Variants in KIAA0319L observed in about 807,000 individuals in gnomAD.
The protein encoded by KIAA0319L is dyslexia-associated protein KIAA0319-like protein.
A neutral mutation model predicts 120.1 loss-of-function variants in KIAA0319L; 55 were observed. The ratio of observed to expected loss-of-function variants is 0.46; its 90% CI spans 0.37 to 0.57. The LOEUF (loss-of-function observed/expected upper bound fraction) is 0.57. KIAA0319L is among the 20% of genes least tolerant of loss of function. The pLI is 0.00. For missense variants in KIAA0319L, 1,049 were observed against 1,255.3 expected (o/e 0.84, Z 2.48); for synonymous variants, 398 against 471.9 (o/e 0.84, Z 2.03).
chr1:35,527,506 ATT>A (rs1646195486), intron 2 of KIAA0319L, among the ~76,000 whole-genome samples: 1 of 152,190 alleles, frequency 6.6e-6, no homozygotes, highest in Non-Finnish European at 1.5e-5. Flanking sequence ...GTCCGGTAGA[ATT>A]TGACAGTAAA....
chr1:35,459,572 G>A (rs1486403113), intron 9 of KIAA0319L, among the ~76,000 whole-genome samples: 1 of 151,764 alleles, frequency 6.6e-6, no homozygotes, highest in African/African-American at 2.4e-5. Flanking sequence ...ACCCCAGCCT[G>A]GGCGACAGAG....
chr1:35,478,650 A>C (rs1485780651), intron 4 of KIAA0319L, among the ~76,000 whole-genome samples: 2 of 152,240 alleles, frequency 1.3e-5, no homozygotes, highest in African/African-American at 4.8e-5. Context: ...GTAAGCAAAT[A>C]CACTGATCCA....
chr1:35,526,406 T>TACATAC lies in KIAA0319L; in HGVS notation c.143-19272_143-19271insGTATGT, dbSNP rs1646143944. The stretch of plus-strand genomic sequence containing the variant: ...ATACATACATATATATATATATATA[T>TACATAC]ATATACACACATACATATATATATG... On this transcript the variant is annotated intron_variant, in intron 2 of 20. Coordinates refer to ENST00000325722, the MANE Select transcript of KIAA0319L (RefSeq NM_024874.5). 2.1e-5 allele frequency among the ~76,000 whole-genome samples: 3 copies of TACATAC among 141,500 alleles called. No individual in the cohort carries two copies. In the Middle Eastern group the frequency reaches 0.011, roughly 520 times the overall value. The allele number at this position is 141,500 out of a possible 152,430, so 92.8% of individuals were successfully genotyped here.
chr1:35,552,273 C>T (rs1263145719), intron 2 of KIAA0319L, among the ~76,000 whole-genome samples: 2 of 152,050 alleles, frequency 1.3e-5, no homozygotes, highest in East Asian at 1.9e-4. Context: ...ACCTGGGAGA[C>T]GGAGGTTGCA....
At chr1:35,550,791 C>T (rs575148076) in intron 2 of KIAA0319L, among the ~76,000 whole-genome samples, 5 of 152,142 alleles carry the variant, frequency 3.3e-5, no homozygotes, top group Non-Finnish European at 7.4e-5. Context: ...TGGTCTCAAA[C>T]CCCTAGGCTC....
intron 2 of KIAA0319L, among the ~76,000 whole-genome samples, chr1:35,550,835 G>A: frequency 6.6e-6 from 1 of 152,030 alleles, no homozygotes; most frequent in East Asian, 1.9e-4. Context: ...CCGAGTAGCT[G>A]GGACTAGAGA....
At chr1:35,471,799 T>C (rs1316354873) in intron 5 of KIAA0319L, among the ~76,000 whole-genome samples, 1 of 152,224 alleles carries the variant, frequency 6.6e-6, no homozygotes, top group Non-Finnish European at 1.5e-5. Flanking sequence ...TTTTTCTTAT[T>C]TCATGAGTTC....
At chr1:35,554,962 T>C (rs1427378178) in intron 1 of KIAA0319L, 1 of 152,870 alleles carries the variant, frequency 6.5e-6, no homozygotes, top group Non-Finnish European at 1.5e-5. Context: ...TCTGGCCCAG[T>C]ATTTTTTAAA....
intron 2 of KIAA0319L, chr1:35,510,230 A>G (rs1645373909): frequency 6.6e-6 from 1 of 152,238 alleles, no homozygotes; most frequent in Non-Finnish European, 1.5e-5. Flanking sequence ...CTTTCAAATC[A>G]TCATAAGCTC....
rs767449634 is a variant in KIAA0319L at position 35,434,988 on chromosome 1, C to T, written c.3056G>A (p.Arg1019Gln). The stretch of plus-strand genomic sequence containing the variant: ...ACCATGCAGGAGTTTGCCCTTCTCT[C>T]GGTCTGGCCATGTAAAGATGGCATC... Reference protein sequence around the residue: ...SDDAIFTWPDREKGKLLHGQN... With the variant: ...SDDAIFTWPDQEKGKLLHGQN... Residue 1019 changes from arginine to glutamine, a missense_variant, in exon 21 of 21, where the codon CGA becomes CAA. Arg to Gln is a conservative substitution (Grantham distance 43). Transcript: ENST00000325722. 3.7e-6 allele frequency: 6 copies of T among 1,614,066 alleles called. No individual in the cohort carries two copies. In the African/African-American group the frequency reaches 4.0e-5, roughly 11 times the overall value.
At chr1:35,541,577 T>C (rs184084149) in intron 2 of KIAA0319L, among the ~76,000 whole-genome samples, 220 of 152,200 alleles carry the variant, frequency 1.4e-3, no homozygotes, top group Non-Finnish European at 2.5e-3. Context: ...CTTGAATTCC[T>C]GACCTCAGGT....
intron 2 of KIAA0319L, among the ~76,000 whole-genome samples, chr1:35,526,372 CATATATATATACATACATATATATATAT>C (rs1479694512): frequency 3.1e-5 from 4 of 128,232 alleles, no homozygotes; most frequent in Non-Finnish European, 4.8e-5. Flanking sequence ...TATATACATA[CATATATATATACATACATATATATATAT>C]ATATATATAT....
chr1:35,473,970 A>G (rs1276035420), intron 5 of KIAA0319L, among the ~76,000 whole-genome samples: 1 of 152,266 alleles, frequency 6.6e-6, no homozygotes, highest in East Asian at 1.9e-4. Flanking sequence ...ATTAACACAT[A>G]CTTCAAAGGT....
At chr1:35,509,150 T>C (rs1186040894) in intron 2 of KIAA0319L, among the ~76,000 whole-genome samples, 1 of 152,092 alleles carries the variant, frequency 6.6e-6, no homozygotes, top group Non-Finnish European at 1.5e-5. Flanking sequence ...ACAGGGCAGT[T>C]GCTAAATTGA....
chr1:35,527,183 G>A (rs960108618), intron 2 of KIAA0319L, among the ~76,000 whole-genome samples: 1 of 147,690 alleles, frequency 6.8e-6, no homozygotes, highest in African/African-American at 2.7e-5. Context: ...TTGACATGAT[G>A]TATCATTTTA....
At chr1:35,482,430 C>CTT (rs777518171) in intron 3 of KIAA0319L, among the ~76,000 whole-genome samples, 9 of 134,314 alleles carry the variant, frequency 6.7e-5, no homozygotes, top group African/African-American at 2.2e-4. Flanking sequence ...ATCTACAGGT[C>CTT]TTTTTTTTTT....
intron 11 of KIAA0319L, chr1:35,454,104 C>A: frequency 2.1e-6 from 1 of 469,404 alleles, no homozygotes. Context: ...TTTGGGATGG[C>A]ATAAACTCTA....
At chr1:35,504,409 A>C (rs188389914) in intron 3 of KIAA0319L, among the ~76,000 whole-genome samples, 12 of 151,920 alleles carry the variant, frequency 7.9e-5, no homozygotes, top group Non-Finnish European at 1.2e-4. Flanking sequence ...TGTTATCCAG[A>C]ATGGTCTCGA....
intron 3 of KIAA0319L, among the ~76,000 whole-genome samples, chr1:35,482,250 A>G (rs1481948189): frequency 6.6e-6 from 1 of 152,172 alleles, no homozygotes; most frequent in East Asian, 1.9e-4. Context: ...TGTATGAATA[A>G]CAAAATACAA....
Sources: gnomAD v4.1 joint callset for allele counts (sites outside exome capture counted in the v4.1 genomes callset) on GRCh38, gnomAD v4.1.1 for gene constraint, MANE v1.5 for transcripts, NCBI Gene and HGNC (gene_info 2026-07-23, HGNC 2026-07-21) for gene names.